LINGO2: variants seen among roughly 807,000 people sequenced by gnomAD.
LINGO2 encodes the protein leucine rich repeat and Ig domain containing 2.
LINGO2 carries 14 observed loss-of-function variants against 30.6 expected under a neutral mutation model. The observed-to-expected ratio is 0.46, with a 90% CI of 0.30 to 0.72. The LOEUF (loss-of-function observed/expected upper bound fraction) is 0.72, where lower values mean the gene tolerates loss of function less well. LINGO2 is among the 30% of genes least tolerant of loss of function. LINGO2 has a pLI of 0.07. For missense variants in LINGO2, 729 were observed against 751.7 expected, an observed-to-expected ratio of 0.97 and a Z score of 0.35; for synonymous variants, 317 against 288.5, an observed-to-expected ratio of 1.10 and a Z score of -1.00.
intron 4 of LINGO2, among the ~76,000 whole-genome samples, chr9:28,252,480 C>A (rs980116693): frequency 6.6e-6 from 1 of 152,076 alleles, no homozygotes; most frequent in East Asian, 1.9e-4. Flanking sequence ...CCCCCTTGGC[C>A]TCCCAAAATG....
In LINGO2 at chr9:28,122,467, T is replaced by G. The variant is rs540624395; in HGVS notation, c.-86-110062A>C. 3.9e-5 allele frequency among the ~76,000 whole-genome samples: 6 copies of G among 152,326 alleles called. No individual in the cohort carries two copies. The South Asian group carries it at 1.2e-3, about 32-fold the overall frequency. Reference sequence around the variant, plus strand: ...CAGGATACCTATCAGCATTATTGTTTTGTCTATAAGAAAATAGAGAATCAG... The same window carrying G: ...CAGGATACCTATCAGCATTATTGTTGTGTCTATAAGAAAATAGAGAATCAG... On this transcript the variant is annotated intron_variant, in intron 4 of 5. Coordinates refer to ENST00000379992, the Ensembl canonical transcript of LINGO2.
At chr9:28,355,789 C>T (rs1820185033) in intron 3 of LINGO2, among the ~76,000 whole-genome samples, 2 of 151,556 alleles carry the variant, frequency 1.3e-5, no homozygotes, top group South Asian at 2.1e-4. Flanking sequence ...GGAAATGTGA[C>T]TTGCATTAAG....
intron 1 of LINGO2, among the ~76,000 whole-genome samples, chr9:28,522,709 G>C (rs1004309750): frequency 6.6e-6 from 1 of 152,082 alleles, no homozygotes; most frequent in African/African-American, 2.4e-5. Flanking sequence ...ATTCATTGCA[G>C]ATTCTTAAAA....
chr9:28,833,710 T>C, the LINGO2 span, among the ~76,000 whole-genome samples: 1 of 152,138 alleles, frequency 6.6e-6, no homozygotes, highest in Non-Finnish European at 1.5e-5. Context: ...ATTATTAAAA[T>C]GTAGACCTCT....
intron 1 of LINGO2, among the ~76,000 whole-genome samples, chr9:28,536,119 T>C (rs546842289): frequency 6.6e-6 from 1 of 152,268 alleles, no homozygotes; most frequent in African/African-American, 2.4e-5. Context: ...AGAAAGAGAA[T>C]AGACTGTTCT....
chr9:28,668,681 G>T (rs908533753), intron 1 of LINGO2, among the ~76,000 whole-genome samples: 1 of 151,968 alleles, frequency 6.6e-6, no homozygotes. Context: ...TAATTTACCA[G>T]GATTACTTAA....
At chr9:28,499,538 A>T (rs1207908986) in intron 1 of LINGO2, among the ~76,000 whole-genome samples, 1 of 152,174 alleles carries the variant, frequency 6.6e-6, no homozygotes, top group Non-Finnish European at 1.5e-5. Context: ...TTAGACATAT[A>T]TGGTTTCAAA....
chr9:28,881,614 A>G, the LINGO2 span, among the ~76,000 whole-genome samples: 1 of 148,892 alleles, frequency 6.7e-6, no homozygotes, highest in African/African-American at 2.5e-5. Context: ...TTTTTTTTCA[A>G]TGTACGGTAT....
At chr9:28,800,961 T>C in the LINGO2 span, among the ~76,000 whole-genome samples, 1 of 152,198 alleles carries the variant, frequency 6.6e-6, no homozygotes, top group African/African-American at 2.4e-5. Flanking sequence ...TAATAAGCCA[T>C]GCTGTAAGGT....
intron 4 of LINGO2, among the ~76,000 whole-genome samples, chr9:28,107,549 T>G (rs1370790262): frequency 1.3e-5 from 2 of 152,180 alleles, no homozygotes; most frequent in Non-Finnish European, 2.9e-5. Flanking sequence ...GCCACTCCAT[T>G]TCATCTATTT....
the LINGO2 span, among the ~76,000 whole-genome samples, chr9:28,851,465 T>C: frequency 6.6e-6 from 1 of 152,084 alleles, no homozygotes; most frequent in Non-Finnish European, 1.5e-5. Flanking sequence ...TTCAGGATAG[T>C]ATCCCTATTT....
intron 4 of LINGO2, among the ~76,000 whole-genome samples, chr9:28,174,896 C>CTGTGTGTGTG (rs1293174370): frequency 4.2e-5 from 2 of 48,160 alleles, no homozygotes; most frequent in South Asian, 1.0e-3. Context: ...GAATTTGTGT[C>CTGTGTGTGTG]TCTGTGTGTG....
chr9:28,314,186 G>A (rs1824747463), intron 3 of LINGO2, among the ~76,000 whole-genome samples: 1 of 151,954 alleles, frequency 6.6e-6, no homozygotes, highest in African/African-American at 2.4e-5. Flanking sequence ...TGTCCGCCTC[G>A]GCCTCCCAAA....
At chr9:27,973,787 C>T (rs1820465216) in intron 5 of LINGO2, among the ~76,000 whole-genome samples, 1 of 152,100 alleles carries the variant, frequency 6.6e-6, no homozygotes, top group Non-Finnish European at 1.5e-5. Context: ...TAAGAATAAT[C>T]AAAGGACATG....
At chr9:29,202,687 A>T in the LINGO2 span, among the ~76,000 whole-genome samples, 1 of 152,018 alleles carries the variant, frequency 6.6e-6, no homozygotes, top group Non-Finnish European at 1.5e-5. Flanking sequence ...ATTGAATCAA[A>T]CTTCATACCC....
At chr9:29,168,134 A>G in the LINGO2 span, among the ~76,000 whole-genome samples, 18 of 152,204 alleles carry the variant, frequency 1.2e-4, no homozygotes, top group African/African-American at 4.3e-4. Flanking sequence ...ATATTTCCTC[A>G]TGTCTCTTAT....
At chr9:29,117,595 A>T in the LINGO2 span, among the ~76,000 whole-genome samples, 1 of 152,154 alleles carries the variant, frequency 6.6e-6, no homozygotes, top group Non-Finnish European at 1.5e-5. Flanking sequence ...ACCTAGGGGA[A>T]AGGCCATAAC....
intron 1 of LINGO2, among the ~76,000 whole-genome samples, chr9:28,528,482 C>A (rs148920191): frequency 6.6e-6 from 1 of 152,124 alleles, no homozygotes; most frequent in African/African-American, 2.4e-5. Context: ...TCTTTCTCAG[C>A]TGGAATCTGA....
chr9:28,037,609 G>A (rs773769330), intron 4 of LINGO2, among the ~76,000 whole-genome samples: 4 of 152,078 alleles, frequency 2.6e-5, no homozygotes, highest in Admixed American at 6.5e-5. Context: ...TATTTTATCC[G>A]CAGCGCTTGA....
Sources: allele counts gnomAD v4.1 joint callset (sites outside exome capture counted in the v4.1 genomes callset), GRCh38; gene constraint gnomAD v4.1.1; transcripts MANE v1.5; gene names NCBI Gene and HGNC (gene_info 2026-07-23, HGNC 2026-07-21).